Variants in SAMD7 observed in about 807,000 individuals in gnomAD.
The protein encoded by SAMD7 is sterile alpha motif domain-containing protein 7.
A neutral mutation model predicts 36.7 loss-of-function variants in SAMD7; 34 were observed. The observed-to-expected ratio is 0.93, with a 90% CI of 0.71 to 1.23. The LOEUF (loss-of-function observed/expected upper bound fraction) is 1.23. SAMD7 is among the 50% of genes most tolerant of loss of function. The pLI is 0.00. For synonymous variants in SAMD7, 188 were observed against 189.7 expected (o/e 0.99, Z 0.07); for missense variants, 570 against 546.6 (o/e 1.04, Z -0.43).
At chr3:169,932,297 T>G in intron 7 of SAMD7, 1 of 747,098 alleles carries the variant, frequency 1.3e-6, no homozygotes, top group Non-Finnish European at 2.4e-6. Flanking sequence ...AAGCAAATTA[T>G]TAAAGCTGAT....
intron 8 of SAMD7, 25 bp from the exon 9 acceptor site, chr3:169,938,293 T>C (rs1185073034): frequency 1.3e-6 from 2 of 1,487,598 alleles, no homozygotes; most frequent in Non-Finnish European, 1.9e-6. Flanking sequence ...TAGAATTGAT[T>C]ACTATAATTA....
chr3:169,937,598 T>G (rs1324304108), intron 8 of SAMD7, among the ~76,000 whole-genome samples: 1 of 152,232 alleles, frequency 6.6e-6, no homozygotes, highest in Non-Finnish European at 1.5e-5. Flanking sequence ...TCGTTCCTTT[T>G]TATGGCTGCA....
chr3:169,934,088 A>G (rs1038870440), intron 7 of SAMD7, among the ~76,000 whole-genome samples: 3 of 152,172 alleles, frequency 2.0e-5, no homozygotes, highest in African/African-American at 7.2e-5. Context: ...GAGCAAGATG[A>G]GACTGGAGAG....
In SAMD7 at chr3:169,928,571, A is replaced by C; in HGVS notation, c.1034A>C (p.Tyr345Ser). The change falls in exon 7 of 9, where the codon TAT becomes TCT. Residue 345 changes from tyrosine (Y) to serine (S), a missense_variant. Coordinates refer to ENST00000335556, the MANE Select transcript of SAMD7 (RefSeq NM_001304366.2). ...CGCAGCCTTCCAGGTTGTTCAGACT[A>C]TGCTCAGGTGACTTAATGTTTAAGT... ...FIRSLPGCSD[Y>S]AQVFKDHAID... 6.2e-7 allele frequency: 1 copy of C among 1,613,564 alleles called. No individual in the cohort carries two copies. The highest frequency in any genetic ancestry group is 1.6e-4 in the Middle Eastern group (1 of 6,062).
chr3:169,919,356 G>A, intron 2 of SAMD7, 102 bp from the exon 3 acceptor site: 1 of 659,242 alleles, frequency 1.5e-6, no homozygotes, highest in South Asian at 1.9e-5. Context: ...GTCTTCCCAA[G>A]TGTTGTGAAA....
chr3:169,927,582 A>G (rs1364167235), intron 6 of SAMD7, among the ~76,000 whole-genome samples: 1 of 151,924 alleles, frequency 6.6e-6, no homozygotes, highest in East Asian at 1.9e-4. Flanking sequence ...GGCGTGAGCC[A>G]CCGCGCCCGG....
chr3:169,933,789 T>C (rs1297166016), intron 7 of SAMD7, among the ~76,000 whole-genome samples: 1 of 152,214 alleles, frequency 6.6e-6, no homozygotes, highest in Non-Finnish European at 1.5e-5. Flanking sequence ...CTCATGGCAC[T>C]CATAGTCCAG....
intron 7 of SAMD7, chr3:169,932,865 A>G (rs1482392287): frequency 3.2e-6 from 2 of 621,764 alleles, no homozygotes; most frequent in Non-Finnish European, 6.2e-6. Context: ...CTGATTGACA[A>G]TGCTGACTGC....
At chr3:169,930,635 G>A (rs544459384) in intron 7 of SAMD7, among the ~76,000 whole-genome samples, 136 of 142,578 alleles carry the variant, frequency 9.5e-4, no homozygotes, top group Admixed American at 3.3e-3. Context: ...AGGCTGGAGC[G>A]CAGTGGCATC....
At chr3:169,937,121 T>G (rs1280576153) in intron 8 of SAMD7, among the ~76,000 whole-genome samples, 1 of 152,190 alleles carries the variant, frequency 6.6e-6, no homozygotes, top group Non-Finnish European at 1.5e-5. Context: ...GCTTGCAAAC[T>G]TCCTAAACAT....
rs932139691 is a variant in SAMD7, at chr3:169,926,367, C to G, written c.291-186C>G. The G allele has an allele frequency of 3.2e-5, 39 of 1,216,160 alleles. 1 individual carries two copies. The South Asian group carries it at 6.2e-4, about 19-fold the overall frequency. The allele number at this position is 1,216,160 out of a possible 1,614,324, so 75.3% of individuals were successfully genotyped here. ...TGGCCTTTGGACTTCCATTGTGAGA[C>G]TCAGACAAAGCTTCAGATCTTACTC... is the stretch of plus-strand genomic sequence containing the variant. On this transcript the variant is annotated intron_variant, in intron 5 of 8. Coordinates refer to ENST00000335556, the MANE Select transcript of SAMD7 (RefSeq NM_001304366.2).
At chr3:169,927,553 C>T (rs1476444259) in intron 6 of SAMD7, among the ~76,000 whole-genome samples, 1 of 152,052 alleles carries the variant, frequency 6.6e-6, no homozygotes, top group East Asian at 1.9e-4. Flanking sequence ...CCTCGGCCTC[C>T]CAAAGTGCTG....
At chr3:169,917,400 T>A (rs892104403) in intron 2 of SAMD7, among the ~76,000 whole-genome samples, 9 of 152,112 alleles carry the variant, frequency 5.9e-5, no homozygotes, top group African/African-American at 2.2e-4. Flanking sequence ...CTCAGATTTT[T>A]AAAAACAATA....
chr3:169,924,919 AT>A, intron 4 of SAMD7, 138 bp from the exon 5 acceptor site: 1 of 582,492 alleles, frequency 1.7e-6, no homozygotes. Context: ...ATCTGATACC[AT>A]TTCCAAAATT....
rs371853415 is a variant in SAMD7, at chr3:169,911,640, T to G, written c.-298T>G. Reference sequence around the variant, plus strand: ...CAAAGTTTCTGTCATGAAATAGGACTAATCAACTTAGTTGAATTTGTATTT... The same window carrying G: ...CAAAGTTTCTGTCATGAAATAGGACGAATCAACTTAGTTGAATTTGTATTT... On this transcript the variant is annotated 5_prime_UTR_variant, in exon 1 of 9. Transcript: ENST00000335556. 1 of 152,248 alleles carries G rather than the reference T, an allele frequency of 6.6e-6. No individual in the cohort carries two copies. Among genetic ancestry groups the G allele is most frequent in the African/African-American group, 2.4e-5 (1 of 41,464 alleles). The allele number at this position is 152,248 out of a possible 1,614,324, so 9.4% of individuals were successfully genotyped here.
At chr3:169,937,866 C>A (rs1233306738) in intron 8 of SAMD7, among the ~76,000 whole-genome samples, 1 of 152,184 alleles carries the variant, frequency 6.6e-6, no homozygotes, top group Admixed American at 6.5e-5. Flanking sequence ...TGCTTCTGCC[C>A]TTGCCCACCC....
At chr3:169,914,972 G>A (rs1420197220) in intron 1 of SAMD7, among the ~76,000 whole-genome samples, 2 of 152,160 alleles carry the variant, frequency 1.3e-5, no homozygotes, top group African/African-American at 2.4e-5. Flanking sequence ...GCCTCCTTCT[G>A]AATTCACCTG....
chr3:169,916,440 G>A (rs2108254967), intron 2 of SAMD7, among the ~76,000 whole-genome samples: 1 of 152,354 alleles, frequency 6.6e-6, no homozygotes, highest in South Asian at 2.1e-4. Context: ...GAGGTCAGGA[G>A]TTTGAGACCA....
chr3:169,928,912 C>T (rs1713379675), intron 7 of SAMD7, among the ~76,000 whole-genome samples: 1 of 152,208 alleles, frequency 6.6e-6, no homozygotes, highest in South Asian at 2.1e-4. Context: ...ACATTCCCTA[C>T]TTATCCACAT....
Sources: allele counts gnomAD v4.1 joint callset (sites outside exome capture counted in the v4.1 genomes callset), GRCh38; gene constraint gnomAD v4.1.1; transcripts MANE v1.5; gene names NCBI Gene and HGNC (gene_info 2026-07-23, HGNC 2026-07-21).